ZNF773: variants seen among roughly 807,000 people sequenced by gnomAD.
ZNF773 encodes the protein zinc finger protein 419B.
ZNF773 carries 11 observed loss-of-function variants against 12.8 expected under a neutral mutation model. That is an observed-to-expected ratio of 0.86 (90% CI 0.54 to 1.42). The LOEUF is 1.42. Ranked by LOEUF, ZNF773 falls within the 40% of genes most tolerant of loss-of-function variation. The probability of loss-of-function intolerance (pLI) is 0.00; values close to 1 mark genes in which losing one functional copy is unlikely to be tolerated. For synonymous variants in ZNF773, 175 were observed against 178.4 expected (o/e 0.98, Z 0.15); for missense variants, 518 against 527.2 (o/e 0.98, Z 0.17).
chr19:57,508,300 A>G, downstream of ZNF773: 1 of 1,202,742 alleles, frequency 8.3e-7, no homozygotes, highest in Non-Finnish European at 1.1e-6. Flanking sequence ...TCTGTCTTGG[A>G]GCTCCAGAGA....
At chr19:57,512,505 G>A (rs2089803503), downstream of ZNF773, among the ~76,000 whole-genome samples, 1 of 146,850 alleles carries the variant, frequency 6.8e-6, no homozygotes, top group African/African-American at 2.5e-5. Context: ...CCAAGTTCAA[G>A]TGATTCTCCT....
At chr19:57,512,435 C>T (rs917469961), downstream of ZNF773, among the ~76,000 whole-genome samples, 1 of 127,002 alleles carries the variant, frequency 7.9e-6, no homozygotes, top group Non-Finnish European at 1.6e-5. Context: ...GATGGAGTCT[C>T]TCTCTGTCAC....
chr19:57,511,853 G>A (rs2089798552), downstream of ZNF773, among the ~76,000 whole-genome samples: 1 of 146,324 alleles, frequency 6.8e-6, no homozygotes, highest in African/African-American at 2.6e-5. Flanking sequence ...ATGAATACAA[G>A]CAAAAACAGC....
At chr19:57,506,238 G>A (rs1303114641) in intron 3 of ZNF773, 120 bp from the exon 4 acceptor site, 42 of 1,479,798 alleles carry the variant, frequency 2.8e-5, no homozygotes, top group Middle Eastern at 4.8e-4. Context: ...CCAAGCGCTA[G>A]CCCCCTCATT....
intron 3 of ZNF773, 149 bp downstream of exon 3, chr19:57,505,549 A>G: frequency 3.2e-6 from 3 of 950,526 alleles, no homozygotes; most frequent in Admixed American, 3.5e-5. Flanking sequence ...ACCCATTTAT[A>G]TCTATTCTGA....
chr19:57,506,263 A>G, intron 3 of ZNF773, 95 bp from the exon 4 acceptor site: 3 of 1,532,182 alleles, frequency 2.0e-6, no homozygotes, highest in Non-Finnish European at 2.6e-6. Context: ...AAGCAGTCCC[A>G]CACGCTAATT....
Position 57,507,258 on chromosome 19 carries a change from A to T in ZNF773, c.1163A>T (p.Lys388Met). 6.2e-7 allele frequency: 1 copy of T among 1,611,164 alleles called. No homozygotes were observed. The highest frequency in any genetic ancestry group is 1.3e-5 in the African/African-American group (1 of 74,896). Residue 388 changes from lysine to methionine, a missense_variant, in exon 4 of 4, where the codon AAG (lysine) becomes ATG (methionine). Physicochemically the swap from Lys to Met is moderately conservative, Grantham distance 95. Transcript: ENST00000282292. ...RKVHTGEKPF[K>M]CNECGRFFSE... The stretch of plus-strand genomic sequence containing the variant: ...GTTCACACTGGAGAAAAACCTTTTA[A>T]GTGCAATGAATGTGGGAGATTCTTT...
downstream of ZNF773, chr19:57,516,302 T>C (rs75077339): frequency 0.024 from 3,734 of 155,114 alleles, 113 homozygotes; most frequent in African/African-American, 0.063. Context: ...CCTGACTCCA[T>C]GTTTATGGCC....
At chr19:57,509,456 A>G (rs765944582), downstream of ZNF773, among the ~76,000 whole-genome samples, 3 of 152,244 alleles carry the variant, frequency 2.0e-5, no homozygotes, top group Non-Finnish European at 2.9e-5. Context: ...ATTTTTTAAT[A>G]AAAGGAAGCA....
In ZNF773 at chr19:57,504,871, A is replaced by G. The variant is rs530684040; in HGVS notation, c.163+85A>G. ...CTAGGGAGAGGTCTGTTCTTCCCAA[A>G]GCTGAACTGTGGGCACTCATTCCTT... On this transcript the variant is annotated intron_variant, in intron 2 of 3. Transcript: ENST00000282292. The G allele has an allele frequency of 9.7e-6, 15 of 1,542,572 alleles. No homozygotes were observed. In the East Asian group the frequency reaches 3.2e-4, roughly 33 times the overall value.
rs756841273 is a variant in ZNF773 at position 57,507,005 on chromosome 19, G to C, written c.910G>C (p.Glu304Gln). ...AATCCACACTGGAGTAAGGCCTTAT[G>C]AGTGCAGTGAATGTGGAAAATTGTT... is the stretch of plus-strand genomic sequence containing the variant. ...HRIHTGVRPY[E>Q]CSECGKLFSF... The change falls in exon 4 of 4, where the codon GAG becomes CAG. Residue 304 changes from glutamate to glutamine, a missense_variant. By Grantham distance (29) the Glu-to-Gln change is conservative. Transcript: ENST00000282292. 1 of 1,614,196 alleles carries C rather than the reference G, an allele frequency of 6.2e-7. No homozygotes were observed. The highest frequency in any genetic ancestry group is 2.2e-5 in the East Asian group (1 of 44,874).
rs752590511 is a variant in ZNF773 at position 57,507,746 on chromosome 19, G to A, written c.*322G>A. 168 of 1,098,454 alleles carry A rather than the reference G, an allele frequency of 1.5e-4. No homozygotes were observed. The highest frequency in any genetic ancestry group is 7.9e-4 in the Middle Eastern group (2 of 2,518). 68.0% of individuals were successfully genotyped at this position (1,098,454 alleles called of 1,614,324 possible). A position where few individuals can be genotyped will look rare whatever the true frequency, so the allele number is the denominator to read the frequency against. ...TCTCACCACTTTGGGAGGCTGAAGC[G>A]GGCGGATCACAAGGTCAGGACATCG... On this transcript the variant is annotated 3_prime_UTR_variant, in exon 4 of 4. Transcript: ENST00000282292.
rs769048457 is a variant in ZNF773 at position 57,506,428 on chromosome 19, C to T, written c.333C>T (p.Asn111=). ...QSASVEVPSS[N]VQQHQKQHCG... is the part of the protein sequence containing the mutation. Reference sequence around the variant, plus strand: ...CTTCTGTAGAAGTGCCCAGTTCAAACGTTCAGCAACACCAGAAGCAGCACT... The same window carrying T: ...CTTCTGTAGAAGTGCCCAGTTCAAATGTTCAGCAACACCAGAAGCAGCACT... The change falls in exon 4 of 4, where the codon AAC becomes AAT. Residue 111 remains asparagine, a synonymous_variant. Coordinates refer to ENST00000282292, the MANE Select transcript of ZNF773 (RefSeq NM_198542.3). 12 of 1,614,112 alleles carry T rather than the reference C, an allele frequency of 7.4e-6. No individual in the cohort carries two copies. The highest frequency in any genetic ancestry group is 5.0e-5 in the Admixed American group (3 of 60,006).
downstream of ZNF773, chr19:57,516,522 T>G (rs2089833272): frequency 6.6e-6 from 1 of 152,214 alleles, no homozygotes; most frequent in African/African-American, 2.4e-5. Flanking sequence ...GTATCAATTA[T>G]ACTGCACCAT....
At chr19:57,511,481 C>T (rs1414431671), downstream of ZNF773, among the ~76,000 whole-genome samples, 8 of 152,142 alleles carry the variant, frequency 5.3e-5, no homozygotes, top group Admixed American at 2.6e-4. Context: ...ATAGAGAACC[C>T]GGAAATACAC....
chr19:57,513,274 G>T, downstream of ZNF773: 1 of 431,116 alleles, frequency 2.3e-6, no homozygotes, highest in Non-Finnish European at 3.8e-6. Context: ...AAACAATCTG[G>T]TGCTCAGGTT....
downstream of ZNF773, among the ~76,000 whole-genome samples, chr19:57,509,846 A>T (rs570140881): frequency 6.6e-6 from 1 of 152,342 alleles, no homozygotes; most frequent in African/African-American, 2.4e-5. Context: ...TCATTCCTAA[A>T]ACATGTAAGA....
downstream of ZNF773, chr19:57,516,147 C>A (rs2089830750): frequency 6.4e-6 from 1 of 155,320 alleles, no homozygotes. Context: ...GGGCCCAGCT[C>A]CTCCAGTACG....
At chr19:57,500,259 A>C (rs2089654132) in intron 1 of ZNF773, 146 bp downstream of exon 1, 8 of 1,210,332 alleles carry the variant, frequency 6.6e-6, no homozygotes, top group Non-Finnish European at 8.8e-6. Flanking sequence ...AATGGAGGGC[A>C]AGGGGCCCGG....
Sources: gnomAD v4.1 joint callset for allele counts (sites outside exome capture counted in the v4.1 genomes callset) on GRCh38, gnomAD v4.1.1 for gene constraint, MANE v1.5 for transcripts, NCBI Gene and HGNC (gene_info 2026-07-23, HGNC 2026-07-21) for gene names.